The following CEP152 variants were observed in gnomAD, a reference collection of about 807,000 sequenced individuals.
CEP152 encodes centrosomal protein 152, also known as centrosomal protein of 152 kDa.
In CEP152, 132 loss-of-function variants were observed where a neutral mutation model predicts 188.9. That is an observed-to-expected ratio of 0.70 (90% CI 0.61 to 0.81). CEP152 has a LOEUF of 0.81. CEP152 is among the 30% of genes least tolerant of loss of function. CEP152 has a pLI of 0.00. For synonymous variants in CEP152, 649 were observed against 666.6 expected, an observed-to-expected ratio of 0.97 and a Z score of 0.41; for missense variants, 1,914 against 1,969.8, an observed-to-expected ratio of 0.97 and a Z score of 0.54.
chr15:48,795,532 A>G (rs1897238271), intron 6 of CEP152, among the ~76,000 whole-genome samples: 1 of 152,230 alleles, frequency 6.6e-6, no homozygotes, highest in South Asian at 2.1e-4. Flanking sequence ...TAAATTTCAA[A>G]TAAGTCCAGG....
At position 48,772,481 on chromosome 15, in the gene CEP152, A is replaced by T; in HGVS notation, c.1782+6T>A. 6.2e-7 allele frequency: 1 copy of T among 1,608,574 alleles called. No individual in the cohort carries two copies. The highest frequency in any genetic ancestry group is 1.1e-5 in the South Asian group (1 of 91,012). On this transcript the variant is annotated splice_donor_region_variant and intron_variant, in intron 13 of 26. Transcript: ENST00000380950. ...ATGGTTTTTTAACTCTATAGGCTTT[A>T]CATACCTCAACCTCAATGCTTTTTT...
In CEP152 at chr15:48,788,818, TG is replaced by T. The variant is rs587783414; in HGVS notation, c.1155del (p.Thr386ProfsTer13). The T allele has an allele frequency of 1.6e-5, 26 of 1,614,200 alleles. No homozygotes were observed. The South Asian group carries it at 2.9e-4, about 18-fold the overall frequency. On this transcript the variant is annotated frameshift_variant, in exon 9 of 27. Transcript: ENST00000380950. LOFTEE classifies it high-confidence loss of function. Reference protein sequence around the residue: ...LSLQKNLDATVTALKEQEDIC... With the variant: ...LSLQKNLDATXTALKEQEDIC... ...ATCCCAACCTGTTCTTTAAGTGCGGTGACTGTGGCATCCAAATTCTTTTGTA... is the reference window on the plus strand; with the variant it reads ...ATCCCAACCTGTTCTTTAAGTGCGGTACTGTGGCATCCAAATTCTTTTGTA...
chr15:48,768,849 G>A (rs1895314851), intron 14 of CEP152, 107 bp downstream of exon 14: 2 of 802,682 alleles, frequency 2.5e-6, no homozygotes, highest in Admixed American at 2.6e-5. Flanking sequence ...TAATATACTT[G>A]TCTACTAACT....
chr15:48,738,584 C>T lies in CEP152; in HGVS notation c.4798G>A (p.Glu1600Lys). The T allele has an allele frequency of 6.2e-7, 1 of 1,614,158 alleles. No homozygotes were observed. Among genetic ancestry groups the T allele is most frequent in the South Asian group, 1.1e-5 (1 of 91,088 alleles). Reference sequence around the variant, plus strand: ...GATTTAACAGATTCACTTGGTATTTCCAAAGTTCCTTGTGGCCTACCATGT... The same window carrying T: ...GATTTAACAGATTCACTTGGTATTTTCAAAGTTCCTTGTGGCCTACCATGT... The part of the protein sequence containing the change: ...FVHGRPQGTL[E>K]IPSESVKSKQ... Residue 1600 changes from glutamate (E) to lysine (K), a missense_variant, in exon 27 of 27, where the codon GAA (glutamate) becomes AAA (lysine). Coordinates refer to ENST00000380950, the MANE Select transcript of CEP152 (RefSeq NM_001194998.2).
intron 17 of CEP152, among the ~76,000 whole-genome samples, chr15:48,763,336 G>C (rs1894832863): frequency 2.0e-5 from 3 of 152,168 alleles, no homozygotes; most frequent in Admixed American, 2.0e-4. Context: ...CTGTTTCCCT[G>C]GCTACCAGAT....
chr15:48,741,993 A>C lies in CEP152; in HGVS notation c.3943T>G (p.Tyr1315Asp). The C allele has an allele frequency of 1.9e-6, 3 of 1,614,166 alleles. No individual in the cohort carries two copies. Among genetic ancestry groups the C allele is most frequent in the Non-Finnish European group, 2.5e-6 (3 of 1,180,030 alleles). Residue 1315 changes from tyrosine (Y) to aspartate (D), a missense_variant, in exon 25 of 27, where the codon TAT becomes GAT. Physicochemically the swap from Tyr to Asp is radical, Grantham distance 160. Coordinates refer to ENST00000380950, the MANE Select transcript of CEP152 (RefSeq NM_001194998.2). ...AAAATCTGTTGGAGGCAAATCAAAT[A>C]ATATTTGCGCATCTTTCGGGCGGTT... ...QETARKMRKY[Y>D]LICLQQILQD...
At chr15:48,795,911 TA>T (rs1897257328) in intron 6 of CEP152, 98 bp downstream of exon 6, 1 of 1,138,760 alleles carries the variant, frequency 8.8e-7, no homozygotes, top group African/African-American at 1.5e-5. Flanking sequence ...TTGTCATACT[TA>T]AAAAATAATA....
intron 2 of CEP152, 169 bp downstream of exon 2, chr15:48,805,394 C>T: frequency 1.3e-6 from 1 of 799,084 alleles, no homozygotes; most frequent in African/African-American, 1.7e-5. Context: ...AAGCATTCCA[C>T]TTATTCACCT....
Position 48,760,286 on chromosome 15 carries a change from A to G in CEP152, c.2563-20T>C, listed in dbSNP as rs1369043492. The G allele has an allele frequency of 6.2e-7, 1 of 1,613,626 alleles. No homozygotes were observed. Among genetic ancestry groups the G allele is most frequent in the Non-Finnish European group, 8.5e-7 (1 of 1,179,808 alleles). ...TTCTACCTGTAGGACATTGCAAAAG[A>G]AAGAGGTAAAGGGAAGTATAAAACT... On this transcript the variant is annotated intron_variant, in intron 18 of 26. Coordinates refer to ENST00000380950, the MANE Select transcript of CEP152 (RefSeq NM_001194998.2).
At chr15:48,792,360 A>G (rs1897043654) in intron 7 of CEP152, among the ~76,000 whole-genome samples, 1 of 152,180 alleles carries the variant, frequency 6.6e-6, no homozygotes, top group African/African-American at 2.4e-5. Context: ...ACAGCTCACA[A>G]GTTCTTCTCT....
rs200733310 is a variant in CEP152, at chr15:48,756,422, G to A, written c.2826C>T (p.Asn942=). The change falls in exon 20 of 27, where the codon AAC becomes AAT. Residue 942 remains asparagine (N), a synonymous_variant. Coordinates refer to ENST00000380950, the MANE Select transcript of CEP152 (RefSeq NM_001194998.2). ...HSLQKELELK[N]EEVPVVIRAE... Reference sequence around the variant, plus strand: ...CCCTGATGACCACAGGGACTTCTTCGTTCTTTAACTCAAGTTCCTTCTGAA... The same window carrying A: ...CCCTGATGACCACAGGGACTTCTTCATTCTTTAACTCAAGTTCCTTCTGAA... The A allele has an allele frequency of 2.3e-4, 368 of 1,613,372 alleles. No individual in the cohort carries two copies. Among genetic ancestry groups the A allele is most frequent in the Middle Eastern group, 1.2e-3 (7 of 6,062 alleles).
At chr15:48,800,671 ACTG>A (rs997055437) in intron 2 of CEP152, among the ~76,000 whole-genome samples, 20 of 152,210 alleles carry the variant, frequency 1.3e-4, no homozygotes, top group African/African-American at 4.8e-4. Context: ...AATTCATCAG[ACTG>A]CTTTTTGGCA....
At chr15:48,780,583 T>C (rs181594578) in intron 12 of CEP152, among the ~76,000 whole-genome samples, 213 of 152,310 alleles carry the variant, frequency 1.4e-3, no homozygotes, top group African/African-American at 5.1e-3. Flanking sequence ...CATCCAAAAA[T>C]CTTTTCTTAA....
intron 8 of CEP152, among the ~76,000 whole-genome samples, chr15:48,790,864 G>C (rs572831595): frequency 1.3e-5 from 2 of 152,050 alleles, no homozygotes; most frequent in Non-Finnish European, 2.9e-5. Flanking sequence ...CACTGCATCC[G>C]GCCATCACTT....
chr15:48,768,848 T>C, intron 14 of CEP152, 108 bp downstream of exon 14: 1 of 798,806 alleles, frequency 1.3e-6, no homozygotes, highest in Non-Finnish European at 2.0e-6. Context: ...CTAATATACT[T>C]GTCTACTAAC....
intron 11 of CEP152, 56 bp downstream of exon 11, chr15:48,782,083 G>A: frequency 4.1e-6 from 6 of 1,481,270 alleles, no homozygotes; most frequent in Non-Finnish European, 5.6e-6. Flanking sequence ...AAAAGGTGAT[G>A]TAACTACTGC....
chr15:48,797,687 T>C lies in CEP152; in HGVS notation c.235A>G (p.Met79Val), dbSNP rs1897394142. The change falls in exon 4 of 27, where the codon ATG becomes GTG. Residue 79 changes from methionine to valine, a missense_variant. Coordinates refer to ENST00000380950, the MANE Select transcript of CEP152 (RefSeq NM_001194998.2). ...TTTACACTTTGAGATTTGGGCAGCA[T>C]TTGCTCATTCCAGCTCATCTCCAAT... ...EQLEMSWNEQMLPKSQSVNGY... is the reference protein window; with the variant it reads ...EQLEMSWNEQVLPKSQSVNGY... The C allele has an allele frequency of 6.2e-7, 1 of 1,613,984 alleles. No individual in the cohort carries two copies. Among genetic ancestry groups the C allele is most frequent in the Non-Finnish European group, 8.5e-7 (1 of 1,180,004 alleles).
At chr15:48,809,154 G>A (rs188473609) in intron 1 of CEP152, among the ~76,000 whole-genome samples, 41 of 152,258 alleles carry the variant, frequency 2.7e-4, no homozygotes, top group Admixed American at 1.6e-3. Context: ...TAAACTATAA[G>A]CACCCTGAAG....
At chr15:48,782,408 T>C (rs141932354) in intron 10 of CEP152, among the ~76,000 whole-genome samples, 178 bp from the exon 11 acceptor site, 1 of 152,314 alleles carries the variant, frequency 6.6e-6, no homozygotes, top group Non-Finnish European at 1.5e-5. Flanking sequence ...GGGCCAGACA[T>C]TTCCCAGATT....
Sources: gnomAD v4.1 joint callset for allele counts (sites outside exome capture counted in the v4.1 genomes callset) on GRCh38, gnomAD v4.1.1 for gene constraint, MANE v1.5 for transcripts, NCBI Gene and HGNC (gene_info 2026-07-23, HGNC 2026-07-21) for gene names.